The following RP1 variants were observed in gnomAD, a reference collection of about 807,000 sequenced individuals.
The protein encoded by RP1 is RP1 axonemal microtubule associated, also known as oxygen-regulated protein 1.
Under a neutral mutation model 14.8 loss-of-function variants are expected in RP1, and 16 were observed. That is an observed-to-expected ratio of 1.08 (90% confidence interval 0.73 to 1.65). The LOEUF is 1.65. RP1 is among the 40% of genes most tolerant of loss of function. The pLI is 0.00. For synonymous variants in RP1, 876 were observed against 883.6 expected (o/e 0.99, Z 0.15); for missense variants, 2,631 against 2,535.0 (o/e 1.04, Z -0.81).
chr8:54,845,264 G>A (rs1811889316), intron 25 of RP1, among the ~76,000 whole-genome samples: 1 of 152,186 alleles, frequency 6.6e-6, no homozygotes, highest in Non-Finnish European at 1.5e-5. Flanking sequence ...TGCAGCTCTG[G>A]GTGAGGAGCA....
At chr8:54,696,847 A>C in intron 12 of RP1, 1 of 750,276 alleles carries the variant, frequency 1.3e-6, no homozygotes, top group Non-Finnish European at 2.4e-6. Flanking sequence ...CTGTCCAGTA[A>C]CTCATTTTGA....
intron 1 of RP1, among the ~76,000 whole-genome samples, chr8:54,608,525 T>G (rs1200605465): frequency 6.6e-6 from 1 of 151,924 alleles, no homozygotes; most frequent in East Asian, 1.9e-4. Flanking sequence ...GAAAAAAAAG[T>G]TGGCTTACAT....
intron 1 of RP1, among the ~76,000 whole-genome samples, chr8:54,565,681 A>G (rs1241260645): frequency 6.6e-6 from 1 of 152,020 alleles, no homozygotes; most frequent in African/African-American, 2.4e-5. Context: ...CAAGGCCCTC[A>G]CTGTTACTCT....
chr8:54,582,086 GTCCT>G (rs1804805281), intron 1 of RP1, among the ~76,000 whole-genome samples: 1 of 152,184 alleles, frequency 6.6e-6, no homozygotes, highest in Non-Finnish European at 1.5e-5. Flanking sequence ...CCATGCCTAT[GTCCT>G]GAATGGTATT....
intron 24 of RP1, among the ~76,000 whole-genome samples, chr8:54,785,137 A>G (rs1810288241): frequency 6.6e-6 from 1 of 152,124 alleles, no homozygotes; most frequent in African/African-American, 2.4e-5. Context: ...CACTCCAAAA[A>G]GAAGGCCAGT....
intron 3 of RP1, among the ~76,000 whole-genome samples, chr8:54,639,458 A>G (rs1218958208): frequency 6.6e-6 from 1 of 152,058 alleles, no homozygotes; most frequent in Non-Finnish European, 1.5e-5. Context: ...GCTAGCTTTT[A>G]TGGTAATTGT....
chr8:54,624,443 CAAAAAAAAAAAAAAAAA>C (rs11332494), intron 3 of RP1, among the ~76,000 whole-genome samples: 1 of 56,596 alleles, frequency 1.8e-5, no homozygotes. Flanking sequence ...GACTCTGTCT[CAAAAAAAAAAAAAAAAA>C]AAAAAAAGAA....
intron 15 of RP1, among the ~76,000 whole-genome samples, chr8:54,718,443 G>A (rs1054231837): frequency 2.0e-5 from 3 of 152,128 alleles, no homozygotes; most frequent in Non-Finnish European, 4.4e-5. Flanking sequence ...TTTGACAAAG[G>A]AGCAAAGGGA....
At position 54,616,511 on chromosome 8, in the gene RP1, C is replaced by T. The variant is rs1381679447; in HGVS notation, c.-13+309C>T. On this transcript the variant is annotated intron_variant, in intron 1 of 3. Coordinates refer to ENST00000220676, the MANE Select transcript of RP1 (RefSeq NM_006269.2). ...ACTTCTTATAGACATCTAGGCAATACACTAAAGAAGAAGACAGCTGCTTGT... is the reference window on the plus strand; with the variant it reads ...ACTTCTTATAGACATCTAGGCAATATACTAAAGAAGAAGACAGCTGCTTGT... 7.9e-5 allele frequency among the ~76,000 whole-genome samples: 12 copies of T among 152,282 alleles called. No individual in the cohort carries two copies. The East Asian group carries it at 2.1e-3, about 27-fold the overall frequency.
chr8:54,828,243 C>A (rs987558394), intron 24 of RP1, among the ~76,000 whole-genome samples: 1 of 152,192 alleles, frequency 6.6e-6, no homozygotes, highest in African/African-American at 2.4e-5. Context: ...TTATTATCTG[C>A]TATGGTTTGG....
At chr8:54,679,883 T>C (rs1327414081) in exon 12 of RP1, 2 of 1,536,078 alleles carry the variant, frequency 1.3e-6, no homozygotes, top group Non-Finnish European at 1.7e-6. Context: ...TTTGTCCGTT[T>C]GCATCCAGAT....
intron 24 of RP1, among the ~76,000 whole-genome samples, chr8:54,827,236 G>A (rs1330929441): frequency 1.3e-5 from 2 of 151,878 alleles, no homozygotes; most frequent in African/African-American, 4.8e-5. Flanking sequence ...CAATAACAAA[G>A]TAACCTTAGC....
At position 54,630,163 on chromosome 8, in the gene RP1, A is replaced by G. The variant is rs748329990; in HGVS notation, c.6281A>G (p.His2094Arg). The G allele has an allele frequency of 2.5e-6, 4 of 1,613,780 alleles. No homozygotes were observed. Among genetic ancestry groups the G allele is most frequent in the Non-Finnish European group, 3.4e-6 (4 of 1,179,934 alleles). Residue 2094 changes from histidine to arginine, a missense_variant, in exon 4 of 4, where the codon CAT becomes CGT. By Grantham distance (29) the His-to-Arg change is conservative (BLOSUM62 0). Transcript: ENST00000220676. ...NQVVRENINC[H>R]YFFEMLGQAC... is the part of the protein sequence containing the mutation. Reference sequence around the variant, plus strand: ...GTAGTAAGAGAAAATATCAACTGTCATTACTTCTTTGAAATGCTTGGTCAA... The same window carrying G: ...GTAGTAAGAGAAAATATCAACTGTCGTTACTTCTTTGAAATGCTTGGTCAA...
chr8:54,797,110 T>C (rs577652026), intron 24 of RP1, among the ~76,000 whole-genome samples: 87 of 152,240 alleles, frequency 5.7e-4, no homozygotes, highest in South Asian at 1.9e-3. Context: ...AATTATCCAT[T>C]TTTGCATGAG....
rs144254812 is a variant in RP1 at position 54,743,679 on chromosome 8, T to A, written c.2808+4650T>A. On this transcript the variant is annotated intron_variant, in intron 19 of 22. Transcript: ENST00000636932. ...CTACGAGGACTTCTTTACTTTCTGA[T>A]TTGAAAAGATGTTTCAGGCTTATCT... Among the ~76,000 whole-genome samples, 204 of 152,308 alleles carry A rather than the reference T, an allele frequency of 1.3e-3. 1 individual carries two copies. Among genetic ancestry groups the A allele is most frequent in the Non-Finnish European group, 2.3e-3 (159 of 68,024 alleles).
At chr8:54,622,384 C>T (rs2129314861) in intron 3 of RP1, 96 bp downstream of exon 3, 2 of 1,019,740 alleles carry the variant, frequency 2.0e-6, no homozygotes, top group Non-Finnish European at 3.1e-6. Flanking sequence ...CCAGTTTCTT[C>T]CACCACAGAA....
At chr8:54,692,058 C>G (rs934605431) in intron 12 of RP1, among the ~76,000 whole-genome samples, 74 of 151,732 alleles carry the variant, frequency 4.9e-4, no homozygotes, top group African/African-American at 1.7e-3. Context: ...TGAGTGAGAA[C>G]ATGTGGTGTT....
chr8:54,724,332 GT>G (rs1186213609), intron 16 of RP1, among the ~76,000 whole-genome samples: 4 of 152,094 alleles, frequency 2.6e-5, no homozygotes, highest in Non-Finnish European at 5.9e-5. Context: ...AAAATAGAAG[GT>G]ATTCAATAAA....
At chr8:54,669,768 A>C (rs537405853) in intron 7 of RP1, among the ~76,000 whole-genome samples, 1 of 152,088 alleles carries the variant, frequency 6.6e-6, no homozygotes, top group African/African-American at 2.4e-5. Context: ...TGAGCAAACT[A>C]TCACAAGGAC....
Sources: gnomAD v4.1 joint callset for allele counts (sites outside exome capture counted in the v4.1 genomes callset) on GRCh38, gnomAD v4.1.1 for gene constraint, MANE v1.5 for transcripts, NCBI Gene and HGNC (gene_info 2026-07-23, HGNC 2026-07-21) for gene names.